The following PHF3 variants were observed in gnomAD, a reference collection of about 807,000 sequenced individuals.
PHF3 encodes PHD finger protein 3.
In PHF3, 41 loss-of-function variants were observed where a neutral mutation model predicts 178.4. The ratio of observed to expected loss-of-function variants is 0.23; its 90% CI spans 0.18 to 0.30. The LOEUF (loss-of-function observed/expected upper bound fraction) is 0.30. PHF3 is among the 10% of genes least tolerant of loss of function. The probability of loss-of-function intolerance (pLI) is 1.00; values close to 1 mark genes in which losing one functional copy is unlikely to be tolerated. For synonymous variants in PHF3, 842 were observed against 800.5 expected, an observed-to-expected ratio of 1.05 and a Z score of -0.88; for missense variants, 2,346 against 2,398.1, an observed-to-expected ratio of 0.98 and a Z score of 0.45.
chr6:63,664,750 G>A (rs1357489734), intron 2 of PHF3, among the ~76,000 whole-genome samples: 5 of 151,906 alleles, frequency 3.3e-5, no homozygotes, highest in African/African-American at 1.2e-4. Flanking sequence ...TTACATATCT[G>A]GTTCCAAGTT....
In PHF3 at chr6:63,721,782, A is replaced by C; in HGVS notation, c.*8074A>C. On this transcript the variant is annotated 3_prime_UTR_variant, in exon 16 of 16. Coordinates refer to ENST00000262043, the MANE Select transcript of PHF3 (RefSeq NM_001370348.2). ...TTGAACGGAACTATTTACTAAAGAG[A>C]TGCATAAAAAATCACCTGCAAGAAA... is the stretch of plus-strand genomic sequence containing the variant. The C allele has an allele frequency of 6.5e-7, 1 of 1,542,558 alleles. No individual in the cohort carries two copies. The highest frequency in any genetic ancestry group is 2.4e-5 in the East Asian group (1 of 40,820).
At chr6:63,653,981 C>G (rs1765126436) in intron 2 of PHF3, among the ~76,000 whole-genome samples, 1 of 152,140 alleles carries the variant, frequency 6.6e-6, no homozygotes, top group Admixed American at 6.5e-5. Context: ...GGGATAAATG[C>G]TACTTGATTG....
rs1554163866 is a variant in PHF3, at chr6:63,720,901, A to G, written c.*7193A>G. Reference sequence around the variant, plus strand: ...TTTTGAATTACAACTACATGGTGCCATTTATTACAACAGAATGTGCCATTG... The same window carrying G: ...TTTTGAATTACAACTACATGGTGCCGTTTATTACAACAGAATGTGCCATTG... On this transcript the variant is annotated 3_prime_UTR_variant, in exon 16 of 16. Transcript: ENST00000262043. 4 of 1,551,014 alleles carry G rather than the reference A, an allele frequency of 2.6e-6. No homozygotes were observed. Among genetic ancestry groups the G allele is most frequent in the Non-Finnish European group, 3.5e-6 (4 of 1,146,498 alleles).
At chr6:63,678,282 T>G (rs754443997) in intron 2 of PHF3, among the ~76,000 whole-genome samples, 1 of 150,600 alleles carries the variant, frequency 6.6e-6, no homozygotes, top group Non-Finnish European at 1.5e-5. Flanking sequence ...AACCTGAGGA[T>G]GTATGTGAAT....
chr6:63,721,888 A>G lies in PHF3; in HGVS notation c.*8180A>G. ...TTTCTGGCCAAGTTGGATAAGTTTT[A>G]GTTATGGGGAAAAAAGTAACAGATC... On this transcript the variant is annotated 3_prime_UTR_variant, in exon 16 of 16. Coordinates refer to ENST00000262043, the MANE Select transcript of PHF3 (RefSeq NM_001370348.2). 5.8e-6 allele frequency: 7 copies of G among 1,212,894 alleles called. No homozygotes were observed. In the South Asian group the frequency reaches 9.7e-5, roughly 17 times the overall value. 75.1% of individuals were successfully genotyped at this position (1,212,894 alleles called of 1,614,324 possible).
chr6:63,642,718 G>C (rs1234227086), intron 1 of PHF3, among the ~76,000 whole-genome samples: 1 of 152,056 alleles, frequency 6.6e-6, no homozygotes, highest in Non-Finnish European at 1.5e-5. Context: ...GGCTTCCTAT[G>C]TTTTATTAAA....
chr6:63,636,498 C>T (rs1335585223), intron 1 of PHF3: 1 of 152,160 alleles, frequency 6.6e-6, no homozygotes, highest in Non-Finnish European at 1.5e-5. Flanking sequence ...CGCGGGCGCG[C>T]AGGCCCGAGG....
At chr6:63,682,925 G>GTATTCATCCTTATA (rs1766501814) in intron 3 of PHF3, among the ~76,000 whole-genome samples, 1 of 151,994 alleles carries the variant, frequency 6.6e-6, no homozygotes, top group Non-Finnish European at 1.5e-5. Context: ...GAATAGAGCT[G>GTATTCATCCTTATA]TAAATTACTA....
chr6:63,692,824 G>A (rs1468514640), intron 5 of PHF3, among the ~76,000 whole-genome samples: 5 of 152,180 alleles, frequency 3.3e-5, no homozygotes, highest in Non-Finnish European at 5.9e-5. Flanking sequence ...CTAATTGTCA[G>A]AAAGTTGATC....
rs1764305989 is a variant in PHF3 at position 63,635,874 on chromosome 6, C to T, written c.-302C>T. 3 of 397,670 alleles carry T rather than the reference C, an allele frequency of 7.5e-6. No homozygotes were observed. Among genetic ancestry groups the T allele is most frequent in the Admixed American group, 4.4e-5 (1 of 22,692 alleles). The allele number at this position is 397,670 out of a possible 1,614,324, so 24.6% of individuals were successfully genotyped here. ...GCACGCCGATGGCTGCGGGGTCTCG[C>T]GCCGTCGCACCGTCCCCACGCGGCA... On this transcript the variant is annotated 5_prime_UTR_variant, in exon 1 of 16. Transcript: ENST00000262043.
At chr6:63,669,412 A>G (rs1343469596) in intron 2 of PHF3, among the ~76,000 whole-genome samples, 2 of 152,176 alleles carry the variant, frequency 1.3e-5, no homozygotes, top group African/African-American at 4.8e-5. Context: ...ACTAGGAAAA[A>G]AATTGCTTTT....
At position 63,713,223 on chromosome 6, in the gene PHF3, A is replaced by G; in HGVS notation, c.5635A>G (p.Ile1879Val). 3 of 1,614,072 alleles carry G rather than the reference A, an allele frequency of 1.9e-6. No homozygotes were observed. The highest frequency in any genetic ancestry group is 2.5e-6 in the Non-Finnish European group (3 of 1,179,978). Residue 1879 changes from isoleucine to valine, a missense_variant, in exon 16 of 16, where the codon ATA becomes GTA. By Grantham distance (29) the Ile-to-Val change is conservative (BLOSUM62 3). Transcript: ENST00000262043. ...TCCTCTCTCACAAGCATCAAGGTATATAGGCCCGCAGAATTTTTACCAGGT... is the reference window on the plus strand; with the variant it reads ...TCCTCTCTCACAAGCATCAAGGTATGTAGGCCCGCAGAATTTTTACCAGGT... Reference protein sequence around the residue: ...MGPLSQASRYIGPQNFYQVKD... With the variant: ...MGPLSQASRYVGPQNFYQVKD...
rs771230549 is a variant in PHF3, at chr6:63,713,523, C to G, written c.5935C>G (p.Arg1979Gly). ...KERARLSHGD[R>G]GTDGKASRDS... Reference sequence around the variant, plus strand: ...GAGGGCACGGTTATCACATGGTGATCGAGGAACAGATGGAAAAGCAAGCAG... The same window carrying G: ...GAGGGCACGGTTATCACATGGTGATGGAGGAACAGATGGAAAAGCAAGCAG... Residue 1979 changes from arginine (R) to glycine (G), a missense_variant, in exon 16 of 16, where the codon CGA (arginine) becomes GGA (glycine). Around this residue, in one of 8 missense-constraint regions of PHF3, gnomAD observed 839 missense variants for 806.9 expected, o/e 1.04. Coordinates refer to ENST00000262043, the MANE Select transcript of PHF3 (RefSeq NM_001370348.2). The G allele has an allele frequency of 1.2e-6, 2 of 1,613,206 alleles. No individual in the cohort carries two copies. The highest frequency in any genetic ancestry group is 1.7e-5 in the Admixed American group (1 of 59,876).
At position 63,703,300 on chromosome 6, in the gene PHF3, TA is replaced by T. The variant is rs775171400; in HGVS notation, c.3232-235del. Among the ~76,000 whole-genome samples, 78 of 152,210 alleles carry T rather than the reference TA, an allele frequency of 5.1e-4. 1 individual carries two copies. Among genetic ancestry groups the T allele is most frequent in the Non-Finnish European group, 9.6e-4 (65 of 68,032 alleles). On this transcript the variant is annotated intron_variant, in intron 10 of 15. Transcript: ENST00000262043. Reference sequence around the variant, plus strand: ...TCAGTGAAGAAATAATTTGAAATCTTACTAGAAGGCTTGAAGAATGGGGAAT... The same window carrying T: ...TCAGTGAAGAAATAATTTGAAATCTTCTAGAAGGCTTGAAGAATGGGGAAT...
chr6:63,667,688 G>T (rs889999736), intron 2 of PHF3, among the ~76,000 whole-genome samples: 6 of 152,288 alleles, frequency 3.9e-5, no homozygotes, highest in African/African-American at 7.2e-5. Context: ...GCATTTAGTT[G>T]TATTTCCGAA....
intron 1 of PHF3, 58 bp downstream of exon 1, chr6:63,636,208 C>T (rs1408499014): frequency 8.3e-6 from 3 of 363,328 alleles, no homozygotes; most frequent in East Asian, 7.9e-5. Context: ...TCCCCCATCC[C>T]CTTCCACACG....
At chr6:63,637,646 G>T (rs113886088) in intron 1 of PHF3, among the ~76,000 whole-genome samples, 1 of 107,450 alleles carries the variant, frequency 9.3e-6, no homozygotes, top group African/African-American at 3.7e-5. Context: ...CTTCATCATC[G>T]TCATTATCAC....
At chr6:63,686,477 A>G (rs1766712373) in intron 4 of PHF3, among the ~76,000 whole-genome samples, 1 of 152,088 alleles carries the variant, frequency 6.6e-6, no homozygotes, top group Admixed American at 6.6e-5. Flanking sequence ...TGAAAAACGT[A>G]TTTCTTTTTT....
intron 3 of PHF3, among the ~76,000 whole-genome samples, chr6:63,683,198 G>A (rs569932255): frequency 2.0e-5 from 3 of 151,754 alleles, no homozygotes; most frequent in African/African-American, 2.4e-5. Flanking sequence ...ATGAAAGTGT[G>A]CTATTAATAC....
Sources: allele counts gnomAD v4.1 joint callset (sites outside exome capture counted in the v4.1 genomes callset), GRCh38; gene constraint gnomAD v4.1.1; regional missense constraint gnomAD v4.1.1; transcripts MANE v1.5; gene names NCBI Gene and HGNC (gene_info 2026-07-23, HGNC 2026-07-21).